The following VAC14 variants were observed in gnomAD, a reference collection of about 807,000 sequenced individuals.
VAC14 encodes the protein protein VAC14 homolog.
Under a neutral mutation model 85.3 loss-of-function variants are expected in VAC14, and 47 were observed. The ratio of observed to expected loss-of-function variants is 0.55; its 90% CI spans 0.44 to 0.70. The LOEUF (loss-of-function observed/expected upper bound fraction) is 0.70, where lower values mean the gene tolerates loss of function less well. Among genes scored for constraint, VAC14 ranks in the 30% least tolerant of loss-of-function variants. VAC14 has a pLI of 0.00. For missense variants in VAC14, 861 were observed against 1,004.3 expected (o/e 0.86, Z 1.93); for synonymous variants, 447 against 430.5 (o/e 1.04, Z -0.47).
intron 10 of VAC14, among the ~76,000 whole-genome samples, chr16:70,764,025 CCAG>C (rs1043939421): frequency 6.6e-6 from 1 of 152,194 alleles, no homozygotes; most frequent in Non-Finnish European, 1.5e-5. Flanking sequence ...AGGACCTGGG[CCAG>C]CAGATCAGTC....
Position 70,687,845 on chromosome 16 carries a change from G to A in VAC14, c.*83C>T. On this transcript the variant is annotated 3_prime_UTR_variant, in exon 19 of 19. Transcript: ENST00000261776. ...GGCCCAGCCCTGGTCCTGACAGGCAGGTCCTTGAGCTCCTCGGGAGGGCGT... is the reference window on the plus strand; with the variant it reads ...GGCCCAGCCCTGGTCCTGACAGGCAAGTCCTTGAGCTCCTCGGGAGGGCGT... The A allele has an allele frequency of 7.6e-7, 1 of 1,317,566 alleles. No individual in the cohort carries two copies. Among genetic ancestry groups the A allele is most frequent in the East Asian group, 3.0e-5 (1 of 33,008 alleles). 81.6% of individuals were successfully genotyped at this position (1,317,566 alleles called of 1,614,324 possible). A position where few individuals can be genotyped will look rare whatever the true frequency, so the allele number is the denominator to read the frequency against.
chr16:70,718,300 C>T (rs994757795), intron 14 of VAC14, among the ~76,000 whole-genome samples: 1 of 152,094 alleles, frequency 6.6e-6, no homozygotes, highest in Non-Finnish European at 1.5e-5. Context: ...GGGCTGGGTG[C>T]GGTGGCTCAC....
chr16:70,781,173 C>A (rs768363072), intron 8 of VAC14, among the ~76,000 whole-genome samples: 5 of 151,970 alleles, frequency 3.3e-5, no homozygotes, highest in Non-Finnish European at 7.4e-5. Flanking sequence ...AGCCTCCCAC[C>A]TCTCTTGCTC....
intron 14 of VAC14, 28 bp from the exon 15 acceptor site, chr16:70,698,839 G>C (rs2053765396): frequency 6.2e-7 from 1 of 1,611,146 alleles, no homozygotes; most frequent in Middle Eastern, 1.9e-4. Context: ...TGGGGTCAGG[G>C]CGCAGGCCGA....
intron 13 of VAC14, among the ~76,000 whole-genome samples, chr16:70,737,813 C>A (rs564861423): frequency 6.6e-6 from 1 of 152,318 alleles, no homozygotes; most frequent in Non-Finnish European, 1.5e-5. Context: ...TAAAAATAAC[C>A]CTGGCTTCAG....
intron 9 of VAC14, among the ~76,000 whole-genome samples, chr16:70,777,334 C>A (rs952749734): frequency 6.6e-6 from 1 of 152,222 alleles, no homozygotes; most frequent in East Asian, 1.9e-4. Flanking sequence ...CTGAAACACA[C>A]AACCACACTA....
intron 16 of VAC14, 87 bp downstream of exon 16, chr16:70,697,052 G>T: frequency 2.7e-6 from 3 of 1,106,782 alleles, no homozygotes; most frequent in Non-Finnish European, 4.1e-6. Context: ...CATGGCACTT[G>T]GGCCCGCCTG....
intron 10 of VAC14, chr16:70,768,854 G>A (rs2033006614): frequency 6.6e-6 from 3 of 452,930 alleles, no homozygotes; most frequent in Non-Finnish European, 1.3e-5. Flanking sequence ...AGGCTAGAGT[G>A]CAGTGGCGCG....
rs117791015 is a variant in VAC14, at chr16:70,691,549, C to T, written c.2186+1272G>A. On this transcript the variant is annotated intron_variant, in intron 18 of 18. Coordinates refer to ENST00000261776, the MANE Select transcript of VAC14 (RefSeq NM_018052.5). ...CCCGCTCCATGGCTGACCCTGCTCC[C>T]CTGGGGACACTGCATCAGGTGCTGT... 18 of 985,490 alleles carry T rather than the reference C, an allele frequency of 1.8e-5. No individual in the cohort carries two copies. The East Asian group carries it at 1.4e-3, about 74-fold the overall frequency. The allele number at this position is 985,490 out of a possible 1,614,324, so 61.0% of individuals were successfully genotyped here.
intron 14 of VAC14, among the ~76,000 whole-genome samples, chr16:70,708,127 C>T (rs1281922709): frequency 1.3e-5 from 2 of 152,156 alleles, no homozygotes; most frequent in Non-Finnish European, 2.9e-5. Context: ...GTCTGACCAC[C>T]CCGTCCCCTG....
intron 14 of VAC14, among the ~76,000 whole-genome samples, chr16:70,713,601 G>A (rs1336632776): frequency 1.6e-4 from 25 of 152,182 alleles, no homozygotes; most frequent in Admixed American, 1.6e-3. Flanking sequence ...CTTCCCCAGA[G>A]GCCACACCAC....
intron 18 of VAC14, 88 bp from the exon 19 acceptor site, chr16:70,688,178 C>T: frequency 1.5e-6 from 2 of 1,374,750 alleles, no homozygotes; most frequent in Non-Finnish European, 1.9e-6. Context: ...GAGGCAGAGC[C>T]ACAGGCTGGT....
intron 14 of VAC14, among the ~76,000 whole-genome samples, chr16:70,717,954 T>C (rs2054202964): frequency 6.6e-6 from 1 of 152,200 alleles, no homozygotes; most frequent in South Asian, 2.1e-4. Context: ...CGCCCGGCCT[T>C]GAGTATTCAT....
chr16:70,712,058 TCTC>T (rs2054046278), intron 14 of VAC14, among the ~76,000 whole-genome samples: 1 of 151,912 alleles, frequency 6.6e-6, no homozygotes, highest in South Asian at 2.1e-4. Flanking sequence ...GGGGAGGGGT[TCTC>T]CTATTTGTAC....
At chr16:70,750,926 C>T (rs972960895) in intron 12 of VAC14, among the ~76,000 whole-genome samples, 24 of 152,146 alleles carry the variant, frequency 1.6e-4, no homozygotes, top group African/African-American at 5.8e-4. Flanking sequence ...TTTGCAAGGT[C>T]AAGTGTCGAG....
intron 14 of VAC14, among the ~76,000 whole-genome samples, chr16:70,705,591 G>A (rs896188887): frequency 6.6e-6 from 1 of 152,222 alleles, no homozygotes; most frequent in Non-Finnish European, 1.5e-5. Flanking sequence ...GGCGGGGACA[G>A]ACCCTGGACT....
At chr16:70,705,596 T>A (rs1013453244) in intron 14 of VAC14, among the ~76,000 whole-genome samples, 1 of 152,236 alleles carries the variant, frequency 6.6e-6, no homozygotes, top group Admixed American at 6.5e-5. Context: ...GGACAGACCC[T>A]GGACTCAAAC....
chr16:70,698,921 T>C, intron 14 of VAC14, 110 bp from the exon 15 acceptor site: 1 of 874,738 alleles, frequency 1.1e-6, no homozygotes, highest in African/African-American at 1.8e-5. Context: ...AACTGCTCTT[T>C]CCTGAGGCCA....
chr16:70,781,971 T>TG lies in VAC14; in HGVS notation c.843_844insC (p.Met282HisfsTer31). On this transcript the variant is annotated frameshift_variant, in exon 8 of 19. Transcript: ENST00000261776. LOFTEE classifies it high-confidence loss of function. Reference sequence around the variant, plus strand: ...CCCGCCAGCTGGATGAACTCCCGCATCCAGCACATGGCTGTCAGCTGGATG... The same window carrying TG: ...CCCGCCAGCTGGATGAACTCCCGCATGCCAGCACATGGCTGTCAGCTGGATG... 6.2e-7 allele frequency: 1 copy of TG among 1,613,992 alleles called. No homozygotes were observed. The highest frequency in any genetic ancestry group is 8.5e-7 in the Non-Finnish European group (1 of 1,180,008).
Sources: gnomAD v4.1 joint callset for allele counts (sites outside exome capture counted in the v4.1 genomes callset) on GRCh38, gnomAD v4.1.1 for gene constraint, MANE v1.5 for transcripts, NCBI Gene and HGNC (gene_info 2026-07-23, HGNC 2026-07-21) for gene names.